SYNE2: variants seen among roughly 807,000 people sequenced by gnomAD.
SYNE2 encodes nesprin-2.
In SYNE2, 431 loss-of-function variants were observed where a neutral mutation model predicts 856.3. The ratio of observed to expected loss-of-function variants is 0.50; its 90% CI spans 0.47 to 0.55. The LOEUF (loss-of-function observed/expected upper bound fraction) is 0.55. SYNE2 is among the 20% of genes least tolerant of loss of function. The probability of loss-of-function intolerance (pLI) is 0.00; values close to 1 mark genes in which losing one functional copy is unlikely to be tolerated. For synonymous variants in SYNE2, 2,923 were observed against 2,872.3 expected (o/e 1.02, Z -0.56); for missense variants, 8,129 against 8,023.2 (o/e 1.01, Z -0.50).
At chr14:63,948,087 AT>A (rs751517276) in intron 6 of SYNE2, among the ~76,000 whole-genome samples, 14 of 151,922 alleles carry the variant, frequency 9.2e-5, no homozygotes, top group Non-Finnish European at 1.8e-4. Context: ...TGCTTTTTGC[AT>A]TTTTATATAA....
chr14:63,855,535 A>AC (rs1302698072), intron 1 of SYNE2, among the ~76,000 whole-genome samples: 3 of 151,018 alleles, frequency 2.0e-5, no homozygotes, highest in African/African-American at 4.9e-5. Flanking sequence ...GCCTGGAATG[A>AC]CCCCCTGTCC....
At chr14:64,065,370 A>T (rs2153592412) in intron 50 of SYNE2, 62 bp from the exon 51 acceptor site, 2 of 1,376,930 alleles carry the variant, frequency 1.5e-6, no homozygotes, top group Non-Finnish European at 2.0e-6. Flanking sequence ...TAAAAGAGTT[A>T]GTAAGTTTCA....
At chr14:64,127,132 G>A (rs1170226020) in intron 73 of SYNE2, among the ~76,000 whole-genome samples, 1 of 152,154 alleles carries the variant, frequency 6.6e-6, no homozygotes, top group Non-Finnish European at 1.5e-5. Flanking sequence ...ATGGTGGTGT[G>A]TGCCTGTAAT....
intron 64 of SYNE2, among the ~76,000 whole-genome samples, chr14:64,103,076 C>T (rs529016821): frequency 6.6e-6 from 1 of 152,338 alleles, no homozygotes; most frequent in South Asian, 2.1e-4. Flanking sequence ...GGTTGCTTCT[C>T]TATCTTGGCT....
chr14:64,068,130 T>A (rs2097371538), intron 51 of SYNE2, among the ~76,000 whole-genome samples: 1 of 152,212 alleles, frequency 6.6e-6, no homozygotes, highest in Non-Finnish European at 1.5e-5. Flanking sequence ...ACAGGCTTTT[T>A]GGCAACTATT....
Position 64,080,567 on chromosome 14 carries a change from T to C in SYNE2, c.11275T>C (p.Leu3759=). ...PGQAQEWMDN[L]MIPFQQYQQV... ...ACAGGCTCAAGAATGGATGGATAACTTGATGATTCCTTTCCAGCAGTATCA... is the reference window on the plus strand; with the variant it reads ...ACAGGCTCAAGAATGGATGGATAACCTGATGATTCCTTTCCAGCAGTATCA... Residue 3759 remains leucine (L), a synonymous_variant, in exon 56 of 116, where the codon TTG becomes CTG. Coordinates refer to ENST00000555002, the MANE Select transcript of SYNE2 (RefSeq NM_182914.3). 1 of 1,614,188 alleles carries C rather than the reference T, an allele frequency of 6.2e-7. No individual in the cohort carries two copies.
intron 108 of SYNE2, among the ~76,000 whole-genome samples, chr14:64,216,956 C>T (rs2098669361): frequency 6.6e-6 from 1 of 150,978 alleles, no homozygotes; most frequent in Non-Finnish European, 1.5e-5. Flanking sequence ...GAACTCCTGA[C>T]CTCAAGTGAT....
At chr14:64,162,511 CTG>C (rs951917043) in intron 88 of SYNE2, 28 of 560,702 alleles carry the variant, frequency 5.0e-5, no homozygotes, top group South Asian at 3.9e-4. Context: ...CGTTCCAAGT[CTG>C]TGCTTTCTCT....
In SYNE2 at chr14:63,823,339, T is replaced by G. The variant is rs142474275; in HGVS notation, c.-304-29162T>G. Among the ~76,000 whole-genome samples the G allele has an allele frequency of 3.3e-5, 5 of 152,054 alleles. No individual in the cohort carries two copies. The East Asian group carries it at 9.7e-4, about 29-fold the overall frequency. ...GACTACAGACATGCACCATCATGCC[T>G]AGCGCATTCGTATTTTTAGTAGAGA... On this transcript the variant is annotated intron_variant, in intron 1 of 23. Transcript: ENST00000674003.
rs1376294936 is a variant in SYNE2, at chr14:64,113,443, C to T, written c.12712C>T (p.Leu4238=). 1.2e-6 allele frequency: 2 copies of T among 1,614,212 alleles called. No individual in the cohort carries two copies. The highest frequency in any genetic ancestry group is 2.2e-5 in the South Asian group (2 of 91,086). The change falls in exon 66 of 116, where the codon CTG becomes TTG. Residue 4238 remains leucine, a synonymous_variant. Transcript: ENST00000555002. Reference sequence around the variant, plus strand: ...AACTAGGCCGGAGCCCACAGAAGTCCTGCATGCCTGCAAGACCCAGGTGGC... The same window carrying T: ...AACTAGGCCGGAGCCCACAGAAGTCTTGCATGCCTGCAAGACCCAGGTGGC... ...EKTRPEPTEV[L]HACKTQVAEL...
chr14:63,871,322 C>A (rs984001797), intron 1 of SYNE2, among the ~76,000 whole-genome samples: 1 of 151,914 alleles, frequency 6.6e-6, no homozygotes, highest in African/African-American at 2.4e-5. Flanking sequence ...TCTCCTGCCT[C>A]AGCCTCCTGA....
chr14:64,210,214 G>A (rs1396116274), intron 103 of SYNE2, 90 bp downstream of exon 103: 4 of 1,475,974 alleles, frequency 2.7e-6, no homozygotes, highest in Non-Finnish European at 3.7e-6. Flanking sequence ...CAAAGCAGCA[G>A]GTAGAAGGTT....
chr14:64,222,202 A>G (rs2098697640), intron 112 of SYNE2, among the ~76,000 whole-genome samples: 1 of 152,160 alleles, frequency 6.6e-6, no homozygotes, highest in African/African-American at 2.4e-5. Context: ...ATAAATCTGT[A>G]TGTGGTTTAA....
intron 1 of SYNE2, among the ~76,000 whole-genome samples, chr14:63,792,867 T>TG (rs201438715): frequency 0.015 from 2,319 of 152,060 alleles, 55 homozygotes; most frequent in Non-Finnish European, 0.015. Context: ...TTTGTAGAGA[T>TG]GGGGTCTCAC....
rs774470119 is a variant in SYNE2, at chr14:64,210,089, C to G, written c.18688C>G (p.Gln6230Glu). ...GGGCAACCAGCGCTGGGACAACCTTCAGAGGCGGGTCACAGCCGTCCTGCG... is the reference window on the plus strand; with the variant it reads ...GGGCAACCAGCGCTGGGACAACCTTGAGAGGCGGGTCACAGCCGTCCTGCG... ...HEGNQRWDNL[Q>E]RRVTAVLRRL... is the part of the protein sequence containing the mutation. Residue 6230 changes from glutamine to glutamate, a missense_variant, in exon 103 of 116, where the codon CAG (glutamine) becomes GAG (glutamate). This residue lies in a region of SYNE2 where 5,410 missense variants were observed against 5,284.8 expected (regional missense o/e 1.02). Coordinates refer to ENST00000555002, the MANE Select transcript of SYNE2 (RefSeq NM_182914.3). The G allele has an allele frequency of 6.2e-7, 1 of 1,614,050 alleles. No homozygotes were observed. The highest frequency in any genetic ancestry group is 8.5e-7 in the Non-Finnish European group (1 of 1,179,974).
At chr14:63,860,218 A>G (rs1893150343) in intron 1 of SYNE2, among the ~76,000 whole-genome samples, 1 of 148,368 alleles carries the variant, frequency 6.7e-6, no homozygotes, top group Non-Finnish European at 1.5e-5. Flanking sequence ...TTGCTGTTAT[A>G]GAAACATATT....
At chr14:64,217,471 C>G (rs1035274581) in intron 108 of SYNE2, among the ~76,000 whole-genome samples, 1 of 152,222 alleles carries the variant, frequency 6.6e-6, no homozygotes. Flanking sequence ...GAGATTCTGC[C>G]TTTGCATGCT....
chr14:63,835,937 C>G (rs113440804), intron 1 of SYNE2, among the ~76,000 whole-genome samples: 1 of 147,166 alleles, frequency 6.8e-6, no homozygotes, highest in Non-Finnish European at 1.5e-5. Flanking sequence ...GAGCTGAGAT[C>G]GTGCCGTTGC....
chr14:64,145,665 A>T (rs905574815), intron 83 of SYNE2, among the ~76,000 whole-genome samples: 4 of 152,212 alleles, frequency 2.6e-5, no homozygotes, highest in African/African-American at 9.6e-5. Flanking sequence ...TATTGAATTG[A>T]TAAATTATTT....
Sources: gnomAD v4.1 joint callset for allele counts (sites outside exome capture counted in the v4.1 genomes callset) on GRCh38, gnomAD v4.1.1 for gene constraint, gnomAD v4.1.1 regional missense constraint, MANE v1.5 for transcripts, NCBI Gene and HGNC (gene_info 2026-07-23, HGNC 2026-07-21) for gene names.